The following OTOGL variants were observed in gnomAD, a reference collection of about 807,000 sequenced individuals.
The protein encoded by OTOGL is otogelin like.
In OTOGL, 285 loss-of-function variants were observed where a neutral mutation model predicts 318.5. That is an observed-to-expected ratio of 0.89 (90% confidence interval 0.81 to 0.99). OTOGL has a LOEUF of 0.99. OTOGL is among the 50% of genes least tolerant of loss of function. The probability of loss-of-function intolerance (pLI) is 0.00; values close to 1 mark genes in which losing one functional copy is unlikely to be tolerated. For missense variants in OTOGL, 2,899 were observed against 2,845.6 expected (o/e 1.02, Z -0.43); for synonymous variants, 987 against 936.5 (o/e 1.05, Z -0.99).
intron 29 of OTOGL, among the ~76,000 whole-genome samples, chr12:80,306,794 T>TTTG (rs1886139903): frequency 7.7e-6 from 1 of 129,138 alleles, no homozygotes; most frequent in African/African-American, 3.2e-5. Flanking sequence ...TAAATTTTAT[T>TTTG]TTATTATTAT....
At chr12:80,273,337 G>T (rs1015397054) in intron 24 of OTOGL, among the ~76,000 whole-genome samples, 1 of 152,060 alleles carries the variant, frequency 6.6e-6, no homozygotes, top group Non-Finnish European at 1.5e-5. Context: ...AGTGTGACTT[G>T]TTTCATGTGG....
Position 80,336,090 on chromosome 12 carries a change from G to A in OTOGL, c.4550G>A (p.Arg1517Lys). Reference protein sequence around the residue: ...VEMPDCGFRGRPVQVNSDICC... With the variant: ...VEMPDCGFRGKPVQVNSDICC... ...ATGCCTGACTGTGGTTTCCGAGGAA[G>A]GCCAGTTCAAGTGAACAGTGATATC... Residue 1517 changes from arginine (R) to lysine (K), a missense_variant, in exon 39 of 59, where the codon AGG becomes AAG. Coordinates refer to ENST00000547103, the MANE Select transcript of OTOGL (RefSeq NM_001378609.3). 1 of 1,598,676 alleles carries A rather than the reference G, an allele frequency of 6.3e-7. No individual in the cohort carries two copies. Among genetic ancestry groups the A allele is most frequent in the Non-Finnish European group, 8.5e-7 (1 of 1,179,370 alleles).
chr12:80,301,464 A>C (rs1386816052), intron 27 of OTOGL, among the ~76,000 whole-genome samples: 1 of 152,164 alleles, frequency 6.6e-6, no homozygotes, highest in Non-Finnish European at 1.5e-5. Flanking sequence ...ACTCTGGATA[A>C]CTTGGTTGCA....
At chr12:80,191,705 T>C (rs1042690913) in intron 1 of OTOGL, among the ~76,000 whole-genome samples, 3 of 152,292 alleles carry the variant, frequency 2.0e-5, no homozygotes, top group Middle Eastern at 3.4e-3. Flanking sequence ...TAAACTAGTG[T>C]TATACCAATT....
intron 40 of OTOGL, 57 bp downstream of exon 40, chr12:80,336,612 T>C: frequency 6.5e-7 from 1 of 1,530,582 alleles, no homozygotes; most frequent in Non-Finnish European, 8.9e-7. Flanking sequence ...CTAATGTCTA[T>C]TGCAACATCA....
intron 26 of OTOGL, among the ~76,000 whole-genome samples, chr12:80,284,833 G>A (rs1884494436): frequency 6.6e-6 from 1 of 152,094 alleles, no homozygotes; most frequent in Non-Finnish European, 1.5e-5. Context: ...TAGGATGCCT[G>A]TTCACTCTGA....
At chr12:80,349,096 C>CTTT (rs5799467) in intron 44 of OTOGL, among the ~76,000 whole-genome samples, 70 of 149,712 alleles carry the variant, frequency 4.7e-4, no homozygotes, top group African/African-American at 1.6e-3. Context: ...AGAAGGGATA[C>CTTT]TTTTTTTTTT....
chr12:80,302,148 T>TGGAAAGGC (rs1885806679), intron 27 of OTOGL, among the ~76,000 whole-genome samples: 1 of 152,208 alleles, frequency 6.6e-6, no homozygotes, highest in Admixed American at 6.5e-5. Context: ...CTACCAAACT[T>TGGAAAGGC]AATGATTCTG....
intron 35 of OTOGL, among the ~76,000 whole-genome samples, chr12:80,326,783 A>T (rs1048698590): frequency 2.0e-5 from 3 of 152,206 alleles, no homozygotes; most frequent in Admixed American, 6.5e-5. Flanking sequence ...TATCCAAGAG[A>T]TGGCTAAATG....
chr12:80,109,565 T>A (rs546410011), intron 1 of OTOGL, among the ~76,000 whole-genome samples: 19 of 152,322 alleles, frequency 1.2e-4, no homozygotes, highest in African/African-American at 4.6e-4. Flanking sequence ...AAAGAGGATT[T>A]CATTATTTAG....
At chr12:80,237,159 A>G (rs2137425054) in intron 9 of OTOGL, among the ~76,000 whole-genome samples, 1 of 152,138 alleles carries the variant, frequency 6.6e-6, no homozygotes, top group Middle Eastern at 3.4e-3. Flanking sequence ...AATTTCACAA[A>G]TTCCCCTATA....
chr12:80,372,490 C>A (rs919266389), intron 57 of OTOGL, among the ~76,000 whole-genome samples: 1 of 151,880 alleles, frequency 6.6e-6, no homozygotes, highest in Non-Finnish European at 1.5e-5. Context: ...CATTGTGACT[C>A]CAAAAACAAC....
At chr12:80,107,635 A>T (rs1869532974) in intron 1 of OTOGL, among the ~76,000 whole-genome samples, 1 of 152,128 alleles carries the variant, frequency 6.6e-6, no homozygotes, top group South Asian at 2.1e-4. Context: ...TTCTACCATA[A>T]AGACACATGT....
At chr12:80,266,159 GT>G (rs2137563822) in intron 20 of OTOGL, 1 of 302,646 alleles carries the variant, frequency 3.3e-6, no homozygotes, top group Admixed American at 4.6e-5. Flanking sequence ...GCAGAATTGA[GT>G]AGTTGTCACT....
intron 1 of OTOGL, among the ~76,000 whole-genome samples, chr12:80,126,153 T>C (rs1870821190): frequency 6.6e-6 from 1 of 152,226 alleles, no homozygotes; most frequent in Non-Finnish European, 1.5e-5. Context: ...TTTAGATCTT[T>C]CCTGCTTTCT....
At position 80,302,787 on chromosome 12, in the gene OTOGL, G is replaced by A. The variant is rs759985318; in HGVS notation, c.3213+4G>A. 7 of 1,472,710 alleles carry A rather than the reference G, an allele frequency of 4.8e-6. No individual in the cohort carries two copies. The African/African-American group carries it at 7.1e-5, about 15-fold the overall frequency. 91.2% of individuals were successfully genotyped at this position (1,472,710 alleles called of 1,614,324 possible). ...CAAAGTTGGGCCACAGTGGAAGGTA[G>A]GTCAACCTAAGCTCCAAATGAGATG... is the stretch of plus-strand genomic sequence containing the variant. On this transcript the variant is annotated splice_donor_region_variant and intron_variant, in intron 28 of 58. Coordinates refer to ENST00000547103, the MANE Select transcript of OTOGL (RefSeq NM_001378609.3).
chr12:80,134,501 G>A (rs75855900), intron 1 of OTOGL, among the ~76,000 whole-genome samples: 1 of 152,192 alleles, frequency 6.6e-6, no homozygotes, highest in Non-Finnish European at 1.5e-5. Context: ...GGAATGACAT[G>A]TGATTTTGGT....
At chr12:80,286,200 G>A (rs1565955026) in intron 26 of OTOGL, among the ~76,000 whole-genome samples, 1 of 152,180 alleles carries the variant, frequency 6.6e-6, no homozygotes, top group Non-Finnish European at 1.5e-5. Flanking sequence ...TGTTGAACCA[G>A]CTTTGCATCT....
intron 54 of OTOGL, 102 bp from the exon 55 acceptor site, chr12:80,368,103 T>C (rs755798105): frequency 1.5e-4 from 127 of 837,328 alleles, no homozygotes; most frequent in Non-Finnish European, 2.2e-4. Flanking sequence ...CTTACAGTTG[T>C]CTGGAAAGAG....
Sources: allele counts gnomAD v4.1 joint callset (sites outside exome capture counted in the v4.1 genomes callset), GRCh38; gene constraint gnomAD v4.1.1; transcripts MANE v1.5; gene names NCBI Gene and HGNC (gene_info 2026-07-23, HGNC 2026-07-21).